Variants in LDLRAD3 observed in about 807,000 individuals in gnomAD.
The protein encoded by LDLRAD3 is low density lipoprotein receptor class A domain containing 3.
A neutral mutation model predicts 29.4 loss-of-function variants in LDLRAD3; 20 were observed. The observed-to-expected ratio is 0.68, with a 90% CI of 0.48 to 0.99. The LOEUF is 0.99. LDLRAD3 is among the 50% of genes least tolerant of loss of function. LDLRAD3 has a pLI of 0.00. For missense variants in LDLRAD3, 420 were observed against 454.3 expected, an observed-to-expected ratio of 0.92 and a Z score of 0.69; for synonymous variants, 157 against 192.7, an observed-to-expected ratio of 0.81 and a Z score of 1.53.
At chr11:36,134,251 C>G (rs1183089737) in intron 4 of LDLRAD3, among the ~76,000 whole-genome samples, 1 of 152,168 alleles carries the variant, frequency 6.6e-6, no homozygotes, top group Non-Finnish European at 1.5e-5. Flanking sequence ...ATTGTACACT[C>G]CTAATGATTG....
At chr11:36,106,924 C>G (rs1236283475) in intron 4 of LDLRAD3, among the ~76,000 whole-genome samples, 1 of 152,192 alleles carries the variant, frequency 6.6e-6, no homozygotes, top group Non-Finnish European at 1.5e-5. Flanking sequence ...AGCATGGCCT[C>G]TTGCATCTCA....
chr11:36,141,991 A>G (rs767729050), intron 4 of LDLRAD3, among the ~76,000 whole-genome samples: 14 of 152,130 alleles, frequency 9.2e-5, no homozygotes, highest in Non-Finnish European at 1.5e-4. Flanking sequence ...TACAATTGGG[A>G]CCTTTCCCTG....
chr11:35,966,453 C>T (rs79109195), intron 1 of LDLRAD3, among the ~76,000 whole-genome samples: 2 of 152,138 alleles, frequency 1.3e-5, no homozygotes, highest in Admixed American at 1.3e-4. Context: ...ATGCAGTATT[C>T]TTTTCCTTTA....
At chr11:36,142,034 C>T (rs1194091252) in intron 4 of LDLRAD3, among the ~76,000 whole-genome samples, 1 of 152,206 alleles carries the variant, frequency 6.6e-6, no homozygotes, top group Non-Finnish European at 1.5e-5. Flanking sequence ...CTAACTTGTT[C>T]CATTTTCTAA....
chr11:36,080,967 A>G (rs1245317387), intron 2 of LDLRAD3, among the ~76,000 whole-genome samples: 2 of 152,008 alleles, frequency 1.3e-5, no homozygotes, highest in Admixed American at 1.3e-4. Flanking sequence ...TACCAAAATT[A>G]TAGCCTCCCA....
intron 4 of LDLRAD3, among the ~76,000 whole-genome samples, chr11:36,177,441 T>A (rs1854695101): frequency 2.6e-5 from 4 of 152,182 alleles, no homozygotes; most frequent in Admixed American, 2.6e-4. Flanking sequence ...CTCATTTGGG[T>A]AGACTCTGTC....
chr11:36,168,793 C>T (rs1376957188), intron 4 of LDLRAD3, among the ~76,000 whole-genome samples: 1 of 151,986 alleles, frequency 6.6e-6, no homozygotes, highest in East Asian at 1.9e-4. Context: ...GTTGGGTTCC[C>T]CTTAACAATG....
intron 2 of LDLRAD3, among the ~76,000 whole-genome samples, chr11:36,042,349 C>T (rs1852393751): frequency 6.6e-6 from 1 of 152,202 alleles, no homozygotes; most frequent in African/African-American, 2.4e-5. Context: ...CGGCTCCACA[C>T]ACCAAATGCC....
chr11:36,204,504 T>TC (rs1855177418), intron 4 of LDLRAD3, among the ~76,000 whole-genome samples: 3 of 151,686 alleles, frequency 2.0e-5, no homozygotes, highest in African/African-American at 7.3e-5. Context: ...CTTTCTTTTT[T>TC]TTTTTTTTGA....
rs950800771 is a variant in LDLRAD3 at position 36,227,129 on chromosome 11, G to T, written c.499G>T (p.Val167Leu). 6.2e-7 allele frequency: 1 copy of T among 1,611,388 alleles called. No individual in the cohort carries two copies. The highest frequency in any genetic ancestry group is 1.3e-5 in the African/African-American group (1 of 74,892). Reference sequence around the variant, plus strand: ...GTTTGTGACTTCAGAGAACCAACTTGTGTATTACCCCAGCATCACCTATGC... The same window carrying T: ...GTTTGTGACTTCAGAGAACCAACTTTTGTATTACCCCAGCATCACCTATGC... ...QVFVTSENQL[V>L]YYPSITYAII... Residue 167 changes from valine (V) to leucine (L), a missense_variant, in exon 5 of 6, where the codon GTG becomes TTG. By Grantham distance (32) the Val-to-Leu change is conservative (BLOSUM62 1). Coordinates refer to ENST00000315571, the MANE Select transcript of LDLRAD3 (RefSeq NM_174902.4).
At chr11:36,123,979 A>G (rs945001267) in intron 4 of LDLRAD3, among the ~76,000 whole-genome samples, 2 of 152,254 alleles carry the variant, frequency 1.3e-5, no homozygotes, top group African/African-American at 2.4e-5. Flanking sequence ...GACCTTCACA[A>G]CTGAAAGCAG....
chr11:36,118,845 C>G (rs558456090), intron 4 of LDLRAD3, among the ~76,000 whole-genome samples: 1 of 152,118 alleles, frequency 6.6e-6, no homozygotes, highest in Non-Finnish European at 1.5e-5. Context: ...CTATGAACTC[C>G]CTGCACCTTT....
intron 1 of LDLRAD3, among the ~76,000 whole-genome samples, chr11:35,947,193 T>C (rs10219322): frequency 0.24 from 36,967 of 152,182 alleles, 4,684 homozygotes; most frequent in East Asian, 0.44. Context: ...GGAACACTTA[T>C]AATCAAGTAA....
rs60376519 is a variant in LDLRAD3, at chr11:36,108,319, CAAAAAAAAAAAAAA to C, written c.454+9874_454+9887del. 1.0e-4 allele frequency among the ~76,000 whole-genome samples: 5 copies of C among 48,978 alleles called. No homozygotes were observed. The Admixed American group carries it at 1.1e-3, about 11-fold the overall frequency. The allele number at this position is 48,978 out of a possible 152,430, so 32.1% of individuals were successfully genotyped here. On this transcript the variant is annotated intron_variant, in intron 4 of 5. Coordinates refer to ENST00000315571, the MANE Select transcript of LDLRAD3 (RefSeq NM_174902.4). ...TGGGTGACAGAGCGAGACTCCATCT[CAAAAAAAAAAAAAA>C]AAAAAAAAAAAAAAAGATGCATTCC...
At chr11:36,126,475 G>T (rs1408008009) in intron 4 of LDLRAD3, among the ~76,000 whole-genome samples, 10 of 152,154 alleles carry the variant, frequency 6.6e-5, no homozygotes, top group Non-Finnish European at 1.5e-4. Flanking sequence ...CCCCATTTCA[G>T]CCAATTCCAG....
At chr11:36,029,565 T>C (rs1298509996) in intron 1 of LDLRAD3, among the ~76,000 whole-genome samples, 1 of 152,128 alleles carries the variant, frequency 6.6e-6, no homozygotes, top group African/African-American at 2.4e-5. Context: ...ATAATTTTCC[T>C]CATGAAATGC....
At chr11:36,015,801 T>C (rs772595573) in intron 1 of LDLRAD3, among the ~76,000 whole-genome samples, 1 of 152,172 alleles carries the variant, frequency 6.6e-6, no homozygotes, top group Non-Finnish European at 1.5e-5. Flanking sequence ...GGTTGTAGGA[T>C]AACCCTCCAC....
Position 36,202,067 on chromosome 11 carries a change from G to T in LDLRAD3, c.455-25018G>T, listed in dbSNP as rs139434198. Among the ~76,000 whole-genome samples the T allele has an allele frequency of 2.3e-3, 322 of 140,150 alleles. 3 individuals carry two copies. Among genetic ancestry groups the T allele is most frequent in the Middle Eastern group, 0.011 (3 of 270 alleles). 91.9% of individuals were successfully genotyped at this position (140,150 alleles called of 152,430 possible). ...ATCTTTTTTTTTTTTTTTTTAAGAC[G>T]GAGTTTCACTCTTCTCGCCTAGGCT... is the stretch of plus-strand genomic sequence containing the variant. On this transcript the variant is annotated intron_variant, in intron 4 of 5. Transcript: ENST00000315571.
At chr11:36,053,289 A>G (rs1852555564) in intron 2 of LDLRAD3, among the ~76,000 whole-genome samples, 1 of 152,084 alleles carries the variant, frequency 6.6e-6, no homozygotes. Flanking sequence ...TTCCAAAGAC[A>G]GCACTGTAAT....
Sources: gnomAD v4.1 joint callset for allele counts (sites outside exome capture counted in the v4.1 genomes callset) on GRCh38, gnomAD v4.1.1 for gene constraint, MANE v1.5 for transcripts, NCBI Gene and HGNC (gene_info 2026-07-23, HGNC 2026-07-21) for gene names.